Variants in CUX1 observed in about 807,000 individuals in gnomAD.
The protein encoded by CUX1 is protein CASP.
Under a neutral mutation model 158.8 loss-of-function variants are expected in CUX1, and 31 were observed. The ratio of observed to expected loss-of-function variants is 0.20; its 90% CI spans 0.15 to 0.26. The LOEUF (loss-of-function observed/expected upper bound fraction) is 0.26. Among genes scored for constraint, CUX1 ranks in the 10% least tolerant of loss-of-function variants. The pLI, the probability that CUX1 is intolerant of heterozygous loss-of-function variation, is 1.00. For synonymous variants in CUX1, 879 were observed against 862.1 expected (o/e 1.02, Z -0.34); for missense variants, 1,589 against 2,014.6 (o/e 0.79, Z 4.04).
intron 18 of CUX1, among the ~76,000 whole-genome samples, chr7:102,278,657 A>AATAAAATAAAAAAAATAAAATAT (rs781848717): frequency 2.0e-5 from 2 of 99,110 alleles, no homozygotes; most frequent in East Asian, 2.6e-4. Context: ...AATAAAATAA[A>AATAAAATAAAAAAAATAAAATAT]AAAATAAAAT....
intron 20 of CUX1, among the ~76,000 whole-genome samples, chr7:102,210,973 G>A (rs1484938628): frequency 2.0e-5 from 3 of 152,236 alleles, no homozygotes; most frequent in Non-Finnish European, 1.5e-5. Flanking sequence ...CCAGGAACAC[G>A]TGTCCAGGGC....
intron 3 of CUX1, among the ~76,000 whole-genome samples, chr7:102,052,627 G>A (rs1823649534): frequency 6.6e-6 from 1 of 152,094 alleles, no homozygotes; most frequent in African/African-American, 2.4e-5. Flanking sequence ...TTTTGTGCAG[G>A]TAAACACTTT....
At chr7:101,857,562 A>G (rs1796992670) in intron 1 of CUX1, among the ~76,000 whole-genome samples, 1 of 152,144 alleles carries the variant, frequency 6.6e-6, no homozygotes, top group Non-Finnish European at 1.5e-5. Context: ...GTTGAGGATG[A>G]ATTTGCTGGG....
intron 1 of CUX1, among the ~76,000 whole-genome samples, chr7:101,866,076 G>A (rs1306361071): frequency 6.6e-6 from 1 of 152,146 alleles, no homozygotes; most frequent in Non-Finnish European, 1.5e-5. Flanking sequence ...TGTAATCCCA[G>A]CATGTTGGGA....
At chr7:101,971,691 A>T (rs1811972067) in intron 2 of CUX1, among the ~76,000 whole-genome samples, 1 of 152,192 alleles carries the variant, frequency 6.6e-6, no homozygotes, top group Admixed American at 6.5e-5. Flanking sequence ...GCATGTGTTG[A>T]GGGAAAGCAC....
intron 3 of CUX1, among the ~76,000 whole-genome samples, chr7:102,052,521 T>C (rs976914026): frequency 1.3e-5 from 2 of 152,236 alleles, no homozygotes; most frequent in Non-Finnish European, 2.9e-5. Context: ...CCATGTTTTA[T>C]TTATCCAATT....
At chr7:102,045,595 G>A (rs1197115486) in intron 3 of CUX1, among the ~76,000 whole-genome samples, 1 of 152,290 alleles carries the variant, frequency 6.6e-6, no homozygotes, top group Non-Finnish European at 1.5e-5. Flanking sequence ...GCAAGCTGGA[G>A]CGATTACAAA....
rs1032642367 is a variant in CUX1, at chr7:102,201,921, C to T, written c.2624C>T (p.Ser875Leu). The T allele has an allele frequency of 1.4e-5, 23 of 1,613,930 alleles. No individual in the cohort carries two copies. The highest frequency in any genetic ancestry group is 1.1e-4 in the South Asian group (10 of 91,070). Residue 875 changes from serine (S) to leucine (L), a missense_variant, in exon 18 of 24, where the codon TCG becomes TTG. Transcript: ENST00000292535. This position sits in a 1 kb window ranked among gnomAD's most constrained non-coding sequence, Gnocchi z 5.0. ...CGCAGTCAGCTCCAGGGACCCTCGT[C>T]GTCAGAGTACTGGAAGGAGTGGCCC... is the stretch of plus-strand genomic sequence containing the variant. ...AERSQLQGPS[S>L]SEYWKEWPSA...
At chr7:102,054,743 G>T (rs1563182585) in intron 3 of CUX1, among the ~76,000 whole-genome samples, 1 of 152,154 alleles carries the variant, frequency 6.6e-6, no homozygotes. Context: ...CAAGACGGGA[G>T]GATCACTTGA....
chr7:102,137,344 A>G (rs1834019225), intron 8 of CUX1, among the ~76,000 whole-genome samples: 1 of 152,186 alleles, frequency 6.6e-6, no homozygotes, highest in Admixed American at 6.6e-5. Context: ...TGCCATTAAA[A>G]GTAATGGCAG....
exon 23 of CUX1, chr7:102,283,204 C>A (rs1792245470): frequency 4.6e-6 from 4 of 875,286 alleles, no homozygotes; most frequent in Middle Eastern, 2.2e-4. Context: ...CCCTTATCCG[C>A]TGTCCAGCAG....
chr7:101,893,885 T>G (rs1309685834), intron 1 of CUX1, among the ~76,000 whole-genome samples: 12 of 152,250 alleles, frequency 7.9e-5, no homozygotes. Flanking sequence ...AGGTGATTTA[T>G]ACGGCATTAA....
intron 2 of CUX1, among the ~76,000 whole-genome samples, chr7:102,006,867 G>C (rs1433037319): frequency 6.6e-6 from 1 of 152,260 alleles, no homozygotes; most frequent in Non-Finnish European, 1.5e-5. Flanking sequence ...TGCGAGAGGA[G>C]CAAGAAGCCG....
At chr7:101,853,412 T>C (rs1339981883) in intron 1 of CUX1, among the ~76,000 whole-genome samples, 1 of 152,236 alleles carries the variant, frequency 6.6e-6, no homozygotes, top group Non-Finnish European at 1.5e-5. Context: ...ATTTATTTTC[T>C]CTGATGCTTA....
At chr7:102,038,699 T>C (rs1385609105) in intron 3 of CUX1, among the ~76,000 whole-genome samples, 1 of 152,138 alleles carries the variant, frequency 6.6e-6, no homozygotes, top group Non-Finnish European at 1.5e-5. Flanking sequence ...ATGCCTGTCA[T>C]CCTAGTACTT....
At chr7:102,054,576 C>G (rs1296551685) in intron 3 of CUX1, among the ~76,000 whole-genome samples, 2 of 152,160 alleles carry the variant, frequency 1.3e-5, no homozygotes, top group Non-Finnish European at 2.9e-5. Flanking sequence ...GGAAGTGTGA[C>G]TCCTCCAACC....
Position 102,256,489 on chromosome 7 carries a change from G to T in CUX1, c.*7447G>T, listed in dbSNP as rs782697575. 1.0e-6 allele frequency: 1 copy of T among 985,268 alleles called. No homozygotes were observed. Among genetic ancestry groups the T allele is most frequent in the Non-Finnish European group, 1.2e-6 (1 of 829,934 alleles). 61.0% of individuals were successfully genotyped at this position (985,268 alleles called of 1,614,324 possible). A position where few individuals can be genotyped will look rare whatever the true frequency, so the allele number is the denominator to read the frequency against. ...CCCTACTCCCCCAGAGAACCAAGGC[G>T]TCTGGGGGATTGACTGGGGGGCAGA... On this transcript the variant is annotated 3_prime_UTR_variant, in exon 24 of 24. Transcript: ENST00000292535.
chr7:101,918,725 C>T (rs575968568), intron 2 of CUX1, among the ~76,000 whole-genome samples: 1 of 152,368 alleles, frequency 6.6e-6, no homozygotes, highest in Admixed American at 6.5e-5. Flanking sequence ...AGACGAGACC[C>T]ACTTCACTTG....
chr7:101,961,951 A>C (rs1810554011), intron 2 of CUX1: 1 of 152,068 alleles, frequency 6.6e-6, no homozygotes, highest in South Asian at 2.1e-4. Flanking sequence ...GCAACTTAGG[A>C]AGTATATATA....
Sources: allele counts gnomAD v4.1 joint callset (sites outside exome capture counted in the v4.1 genomes callset), GRCh38; gene constraint gnomAD v4.1.1; non-coding constraint Gnocchi (gnomAD v3.1); transcripts MANE v1.5; gene names NCBI Gene and HGNC (gene_info 2026-07-23, HGNC 2026-07-21).